The following SMG6 variants were observed in gnomAD, a reference collection of about 807,000 sequenced individuals.
SMG6 encodes telomerase-binding protein EST1A.
SMG6 carries 66 observed loss-of-function variants against 142.2 expected under a neutral mutation model. The ratio of observed to expected loss-of-function variants is 0.46; its 90% CI spans 0.38 to 0.57. The LOEUF is 0.57. Among genes scored for constraint, SMG6 ranks in the 20% least tolerant of loss-of-function variants. The pLI is 0.00. For synonymous variants in SMG6, 779 were observed against 702.4 expected (o/e 1.11, Z -1.72); for missense variants, 1,793 against 1,832.0 (o/e 0.98, Z 0.39).
chr17:2,279,352 A>G (rs961384746), intron 8 of SMG6, among the ~76,000 whole-genome samples: 4 of 152,216 alleles, frequency 2.6e-5, no homozygotes, highest in African/African-American at 9.6e-5. Flanking sequence ...TAAGATTTGA[A>G]GTAGCAGGAG....
intron 12 of SMG6, among the ~76,000 whole-genome samples, chr17:2,176,585 A>C (rs960846563): frequency 6.6e-6 from 1 of 152,200 alleles, no homozygotes; most frequent in Non-Finnish European, 1.5e-5. Flanking sequence ...AGCAGACACA[A>C]AGCAGCCAGA....
chr17:2,198,617 T>A (rs1301830265), intron 10 of SMG6, among the ~76,000 whole-genome samples: 6 of 152,204 alleles, frequency 3.9e-5, no homozygotes, highest in Non-Finnish European at 8.8e-5. Flanking sequence ...ATAAGACCTC[T>A]CTGTACATTT....
At chr17:2,257,170 C>T (rs2074203558) in intron 8 of SMG6, among the ~76,000 whole-genome samples, 2 of 151,680 alleles carry the variant, frequency 1.3e-5, no homozygotes, top group South Asian at 4.2e-4. Context: ...ACTGCAACCT[C>T]CGCCTCCCAG....
chr17:2,158,355 G>GA (rs983604363), intron 13 of SMG6, among the ~76,000 whole-genome samples: 11 of 145,858 alleles, frequency 7.5e-5, no homozygotes, highest in Middle Eastern at 3.5e-3. Context: ...AGCCAAAAAA[G>GA]AAAAAAAAAA....
intron 1 of SMG6, 53 bp from the exon 2 acceptor site, chr17:2,300,717 G>A: frequency 1.4e-6 from 2 of 1,468,418 alleles, no homozygotes; most frequent in South Asian, 1.4e-5. Context: ...TAAGAATAAA[G>A]AAGGAAGATA....
intron 13 of SMG6, among the ~76,000 whole-genome samples, chr17:2,109,527 G>A (rs939089005): frequency 6.6e-6 from 1 of 152,210 alleles, no homozygotes; most frequent in African/African-American, 2.4e-5. Flanking sequence ...GCCTCTCAAA[G>A]TGCTGGGATT....
chr17:2,231,233 C>G (rs954158799), intron 10 of SMG6, among the ~76,000 whole-genome samples: 1 of 152,180 alleles, frequency 6.6e-6, no homozygotes, highest in Non-Finnish European at 1.5e-5. Context: ...CCAAACTCAA[C>G]TAGAGTCACC....
rs114732639 is a variant in SMG6, at chr17:2,072,566, G to A, written c.3682-3635C>T. ...GGGTCTCCAGGAAAAACTTTTGCAG[G>A]TTAAGTTCCTTCTCTACGGTGGAGA... On this transcript the variant is annotated intron_variant, in intron 15 of 18. Transcript: ENST00000263073. Among the ~76,000 whole-genome samples the A allele has an allele frequency of 5.9e-3, 898 of 152,292 alleles. 12 individuals carry two copies. Among genetic ancestry groups the A allele is most frequent in the African/African-American group, 0.018 (753 of 41,544 alleles).
intron 10 of SMG6, among the ~76,000 whole-genome samples, chr17:2,226,293 G>GA (rs1260999299): frequency 4.2e-5 from 6 of 143,732 alleles, no homozygotes; most frequent in East Asian, 4.1e-4. Flanking sequence ...AAAGAAAAAA[G>GA]AAAAAAAAGA....
chr17:2,062,117 T>G (rs2067798960), intron 18 of SMG6: 1 of 156,342 alleles, frequency 6.4e-6, no homozygotes, highest in Non-Finnish European at 1.4e-5. Flanking sequence ...TTTCCAGATG[T>G]GGGGAGAGGG....
At chr17:2,078,855 C>T (rs1285477536) in intron 15 of SMG6, among the ~76,000 whole-genome samples, 1 of 152,050 alleles carries the variant, frequency 6.6e-6, no homozygotes. Flanking sequence ...GGCTTTAGGG[C>T]CCAAAGACAA....
intron 13 of SMG6, chr17:2,087,427 T>G (rs1467388727): frequency 8.4e-7 from 1 of 1,186,094 alleles, no homozygotes; most frequent in East Asian, 5.8e-5. Context: ...CAACCCCGCT[T>G]TCCTACACGG....
rs577693306 is a variant in SMG6, at chr17:2,185,068, T to C, written c.3155+1595A>G. On this transcript the variant is annotated intron_variant, in intron 12 of 18. Transcript: ENST00000263073. The stretch of plus-strand genomic sequence containing the variant: ...CCTACTTGGGGACACATGAATCCCA[T>C]ACAGAGATATATATACTCAAGGATA... Among the ~76,000 whole-genome samples, 12 of 140,386 alleles carry C rather than the reference T, an allele frequency of 8.5e-5. No homozygotes were observed. The South Asian group carries it at 2.4e-3, about 28-fold the overall frequency. 92.1% of individuals were successfully genotyped at this position (140,386 alleles called of 152,430 possible).
chr17:2,197,989 G>A (rs1397246607), intron 10 of SMG6, among the ~76,000 whole-genome samples: 1 of 152,132 alleles, frequency 6.6e-6, no homozygotes, highest in Admixed American at 6.5e-5. Flanking sequence ...GCTTTATCCT[G>A]AAGAAATGAA....
rs559916919 is a variant in SMG6, at chr17:2,166,781, T to C, written c.3357+5877A>G. ...ACCTTCAACTGAATTCTTCAAATTATAGACTCTGTGAAGTATGCTAAATGA... is the reference window on the plus strand; with the variant it reads ...ACCTTCAACTGAATTCTTCAAATTACAGACTCTGTGAAGTATGCTAAATGA... On this transcript the variant is annotated intron_variant, in intron 13 of 18. Transcript: ENST00000263073. 7.9e-5 allele frequency among the ~76,000 whole-genome samples: 12 copies of C among 152,262 alleles called. No individual in the cohort carries two copies. In the East Asian group the frequency reaches 1.5e-3, roughly 20 times the overall value.
chr17:2,257,403 T>C (rs1271801914), intron 8 of SMG6, among the ~76,000 whole-genome samples: 4 of 152,096 alleles, frequency 2.6e-5, no homozygotes, highest in Non-Finnish European at 1.5e-5. Context: ...CTCAGCCTCC[T>C]GAGTAGCTGG....
At chr17:2,067,043 C>T (rs2067972533) in intron 16 of SMG6, among the ~76,000 whole-genome samples, 1 of 152,162 alleles carries the variant, frequency 6.6e-6, no homozygotes, top group Non-Finnish European at 1.5e-5. Context: ...AAACAGGAGC[C>T]CTCCTCTTAC....
At chr17:2,283,062 C>T (rs1033882405) in intron 7 of SMG6, among the ~76,000 whole-genome samples, 3 of 152,056 alleles carry the variant, frequency 2.0e-5, no homozygotes, top group Admixed American at 6.5e-5. Flanking sequence ...CCTAGCTACT[C>T]GGGAGGCTGA....
chr17:2,090,765 C>T (rs2068694925), intron 13 of SMG6, among the ~76,000 whole-genome samples: 1 of 152,230 alleles, frequency 6.6e-6, no homozygotes. Flanking sequence ...CTCAAGTTTA[C>T]AGGTTGTTTT....
Sources: gnomAD v4.1 joint callset for allele counts (sites outside exome capture counted in the v4.1 genomes callset) on GRCh38, gnomAD v4.1.1 for gene constraint, MANE v1.5 for transcripts, NCBI Gene and HGNC (gene_info 2026-07-23, HGNC 2026-07-21) for gene names.